The following LIMCH1 variants were observed in gnomAD, a reference collection of about 807,000 sequenced individuals.
The protein encoded by LIMCH1 is LIM and calponin homology domains-containing protein 1.
LIMCH1 carries 113 observed loss-of-function variants against 176.5 expected under a neutral mutation model. The observed-to-expected ratio is 0.64, with a 90% CI of 0.55 to 0.75. The LOEUF is 0.75. Ranked by LOEUF, LIMCH1 falls within the 30% of genes least tolerant of loss-of-function variation. The pLI is 0.00. For missense variants in LIMCH1, 1,674 were observed against 1,814.9 expected (o/e 0.92, Z 1.41); for synonymous variants, 619 against 645.9 (o/e 0.96, Z 0.63).
intron 1 of LIMCH1, among the ~76,000 whole-genome samples, chr4:41,460,458 C>CTATATATGTATATATATATATATA (rs2065175107): frequency 9.0e-6 from 1 of 110,546 alleles, no homozygotes; most frequent in African/African-American, 4.0e-5. Flanking sequence ...TAGTAATCAT[C>CTATATATGTATATATATATATATA]TATATATATA....
At chr4:41,451,248 T>C (rs1009769401) in intron 1 of LIMCH1, among the ~76,000 whole-genome samples, 15 of 151,838 alleles carry the variant, frequency 9.9e-5, no homozygotes, top group African/African-American at 2.9e-4. Context: ...CCCGAGTAGC[T>C]GAGATTACAG....
rs1322491459 is a variant in LIMCH1, at chr4:41,436,107, T to C, written c.97-58429T>C. 3.9e-5 allele frequency among the ~76,000 whole-genome samples: 6 copies of C among 152,208 alleles called. No homozygotes were observed. In the South Asian group the frequency reaches 1.0e-3, roughly 26 times the overall value. ...GCTCATAGAGCCATAAGAAAATCTC[T>C]TTAAACCTTGTTTTTCTATTAAAAA... On this transcript the variant is annotated intron_variant, in intron 1 of 26. Transcript: ENST00000313860.
intron 21 of LIMCH1, among the ~76,000 whole-genome samples, chr4:41,669,971 T>C (rs1339680299): frequency 6.6e-6 from 1 of 152,236 alleles, no homozygotes; most frequent in Non-Finnish European, 1.5e-5. Flanking sequence ...GAAGATCTGC[T>C]GATCGACCCT....
chr4:41,695,438 A>T (rs1311411450), intron 31 of LIMCH1, among the ~76,000 whole-genome samples: 1 of 151,858 alleles, frequency 6.6e-6, no homozygotes, highest in Non-Finnish European at 1.5e-5. Context: ...CACTTGTATG[A>T]ATATCACTGA....
At position 41,631,472 on chromosome 4, in the gene LIMCH1, C is replaced by A; in HGVS notation, c.1596C>A (p.Asp532Glu). 1 of 1,508,336 alleles carries A rather than the reference C, an allele frequency of 6.6e-7. No homozygotes were observed. The highest frequency in any genetic ancestry group is 1.3e-5 in the South Asian group (1 of 78,676). 93.4% of individuals were successfully genotyped at this position (1,508,336 alleles called of 1,614,324 possible). ...KGHQIFNRQNDCRTMNCGRGD... is the reference protein window; with the variant it reads ...KGHQIFNRQNECRTMNCGRGD... ...ACCAAATATTTAATCGACAAAATGA[C>A]TGCAGGTATTTTTTGCCATACGTGT... The change falls in exon 10 of 32, where the codon GAC becomes GAA. Residue 532 changes from aspartate to glutamate, a missense_variant. Transcript: ENST00000503057.
intron 1 of LIMCH1, among the ~76,000 whole-genome samples, chr4:41,372,496 T>G (rs1180571678): frequency 6.6e-6 from 1 of 152,228 alleles, no homozygotes; most frequent in Non-Finnish European, 1.5e-5. Flanking sequence ...ATTAATAGTT[T>G]GGGCAGATAG....
At chr4:41,689,760 G>A in intron 30 of LIMCH1, 125 bp downstream of exon 30, 1 of 604,220 alleles carries the variant, frequency 1.7e-6, no homozygotes, top group Admixed American at 2.6e-5. Flanking sequence ...TGTCTAGGTT[G>A]TATAGACATT....
intron 28 of LIMCH1, among the ~76,000 whole-genome samples, chr4:41,687,566 G>T (rs76864325): frequency 6.6e-6 from 1 of 151,902 alleles, no homozygotes; most frequent in African/African-American, 2.4e-5. Context: ...TAAAAATAAA[G>T]ATTATAAAAA....
At chr4:41,567,125 T>G (rs1340553181) in intron 1 of LIMCH1, among the ~76,000 whole-genome samples, 2 of 152,182 alleles carry the variant, frequency 1.3e-5, no homozygotes, top group Non-Finnish European at 2.9e-5. Flanking sequence ...CTGATGGGTC[T>G]GCATAAGAAG....
At chr4:41,443,655 T>C (rs1464086468) in intron 1 of LIMCH1, among the ~76,000 whole-genome samples, 2 of 152,180 alleles carry the variant, frequency 1.3e-5, no homozygotes, top group African/African-American at 4.8e-5. Context: ...TTGTAAGCAA[T>C]GGCTAAACTC....
intron 13 of LIMCH1, among the ~76,000 whole-genome samples, chr4:41,638,621 C>T (rs2093694002): frequency 6.6e-6 from 1 of 152,150 alleles, no homozygotes; most frequent in South Asian, 2.1e-4. Flanking sequence ...TCTCTAAACG[C>T]TGTGGATTGC....
At chr4:41,643,833 A>T (rs565656438) in intron 14 of LIMCH1, among the ~76,000 whole-genome samples, 2 of 152,356 alleles carry the variant, frequency 1.3e-5, no homozygotes, top group Admixed American at 1.3e-4. Flanking sequence ...CAACTGCACT[A>T]TCAATTACAG....
At chr4:41,375,549 T>C (rs1356418078) in intron 1 of LIMCH1, among the ~76,000 whole-genome samples, 1 of 152,264 alleles carries the variant, frequency 6.6e-6, no homozygotes, top group Non-Finnish European at 1.5e-5. Context: ...TCTGATTTTT[T>C]TCCCATTTAA....
intron 1 of LIMCH1, among the ~76,000 whole-genome samples, chr4:41,389,971 A>G (rs1313774469): frequency 6.6e-6 from 1 of 152,122 alleles, no homozygotes; most frequent in Non-Finnish European, 1.5e-5. Context: ...TTCTTCTCCT[A>G]CTTAAAGCTA....
At chr4:41,663,735 T>C (rs1487916362) in intron 20 of LIMCH1, among the ~76,000 whole-genome samples, 2 of 150,464 alleles carry the variant, frequency 1.3e-5, no homozygotes, top group African/African-American at 4.9e-5. Context: ...AATAACAAGC[T>C]AGCTGGGTGT....
At chr4:41,686,396 GA>G (rs1720799290) in intron 28 of LIMCH1, among the ~76,000 whole-genome samples, 1 of 152,052 alleles carries the variant, frequency 6.6e-6, no homozygotes, top group African/African-American at 2.4e-5. Flanking sequence ...CCATTTTACA[GA>G]CAATAAAATT....
At chr4:41,452,272 C>G (rs982191794) in intron 1 of LIMCH1, among the ~76,000 whole-genome samples, 7 of 152,138 alleles carry the variant, frequency 4.6e-5, no homozygotes, top group African/African-American at 1.7e-4. Flanking sequence ...GTTTCCAGCC[C>G]TCATTTGAAG....
At chr4:41,685,676 G>A (rs1313650153) in intron 27 of LIMCH1, 34 bp from the exon 28 acceptor site, 24 of 1,611,616 alleles carry the variant, frequency 1.5e-5, no homozygotes, top group Non-Finnish European at 1.9e-5. Context: ...TGATTTTACT[G>A]TGCACTACAT....
intron 30 of LIMCH1, 99 bp from the exon 31 acceptor site, chr4:41,692,183 T>C (rs1726561384): frequency 1.5e-5 from 11 of 746,774 alleles, no homozygotes; most frequent in Non-Finnish European, 2.6e-5. Flanking sequence ...GTGGTGATTG[T>C]AGAAGGGATT....
Sources: allele counts gnomAD v4.1 joint callset (sites outside exome capture counted in the v4.1 genomes callset), GRCh38; gene constraint gnomAD v4.1.1; transcripts MANE v1.5; gene names NCBI Gene and HGNC (gene_info 2026-07-23, HGNC 2026-07-21).